Variants in CA10 observed in about 807,000 individuals in gnomAD.
CA10 encodes carbonic anhydrase 10 (inactive), also known as carbonic anhydrase-related protein 10.
A neutral mutation model predicts 44.2 loss-of-function variants in CA10; 14 were observed. That is an observed-to-expected ratio of 0.32 (90% CI 0.21 to 0.50). The LOEUF (loss-of-function observed/expected upper bound fraction) is 0.50, where lower values mean the gene tolerates loss of function less well. Ranked by LOEUF, CA10 falls within the 20% of genes least tolerant of loss-of-function variation. The pLI is 0.99. For synonymous variants in CA10, 159 were observed against 141.6 expected, an observed-to-expected ratio of 1.12 and a Z score of -0.87; for missense variants, 350 against 409.7, an observed-to-expected ratio of 0.85 and a Z score of 1.26.
At chr17:51,849,165 A>G (rs1322921945) in intron 3 of CA10, among the ~76,000 whole-genome samples, 33 of 89,618 alleles carry the variant, frequency 3.7e-4, no homozygotes, top group African/African-American at 1.1e-3. Flanking sequence ...ACATATATGT[A>G]TATATATATA....
intron 1 of CA10, among the ~76,000 whole-genome samples, chr17:52,090,457 C>A (rs1988229565): frequency 6.6e-6 from 1 of 152,016 alleles, no homozygotes; most frequent in South Asian, 2.1e-4. Flanking sequence ...TATTCCCTAG[C>A]ATATTTTTGT....
At chr17:51,854,786 A>G (rs1978965012) in intron 3 of CA10, among the ~76,000 whole-genome samples, 1 of 152,220 alleles carries the variant, frequency 6.6e-6, no homozygotes, top group South Asian at 2.1e-4. Context: ...TCCACAGGGG[A>G]TTAAGCAAAC....
chr17:52,124,745 C>T (rs1989084017), intron 1 of CA10, among the ~76,000 whole-genome samples: 1 of 152,144 alleles, frequency 6.6e-6, no homozygotes, highest in Non-Finnish European at 1.5e-5. Context: ...GCCTCTCCCA[C>T]CTTGTTCACC....
chr17:52,098,712 C>T (rs1422807738), intron 1 of CA10, among the ~76,000 whole-genome samples: 2 of 152,224 alleles, frequency 1.3e-5, no homozygotes, highest in East Asian at 1.9e-4. Context: ...GCCTGTGATA[C>T]CTACCTGTTC....
intron 5 of CA10, among the ~76,000 whole-genome samples, chr17:51,649,829 G>T (rs1238955309): frequency 2.0e-5 from 3 of 150,010 alleles, no homozygotes; most frequent in Non-Finnish European, 3.0e-5. Context: ...ATTCATCTAC[G>T]TAGAGGGTGA....
intron 3 of CA10, among the ~76,000 whole-genome samples, chr17:51,923,301 T>C (rs1488345245): frequency 6.6e-6 from 1 of 152,192 alleles, no homozygotes; most frequent in Non-Finnish European, 1.5e-5. Context: ...ATCTGACATT[T>C]AAGATCCTCC....
rs1913756884 is a variant in CA10, at chr17:51,655,456, AG to A, written c.466-1721del. Among the ~76,000 whole-genome samples the A allele has an allele frequency of 3.3e-5, 5 of 152,252 alleles. No homozygotes were observed. In the South Asian group the frequency reaches 1.0e-3, roughly 32 times the overall value. On this transcript the variant is annotated intron_variant, in intron 4 of 8. Coordinates refer to ENST00000451037, the MANE Select transcript of CA10 (RefSeq NM_020178.5). ...GCATTAAAAAAGGTGAAGTTTTAGAAGTTGAGAAATGTGATGATCAAAAAAG... is the reference window on the plus strand; with the variant it reads ...GCATTAAAAAAGGTGAAGTTTTAGAATTGAGAAATGTGATGATCAAAAAAG...
At chr17:51,667,094 A>C (rs907338667) in intron 4 of CA10, among the ~76,000 whole-genome samples, 16 of 152,360 alleles carry the variant, frequency 1.1e-4, no homozygotes, top group African/African-American at 3.6e-4. Flanking sequence ...CCATTGCTGC[A>C]ATTTGAAATG....
chr17:52,035,129 A>G (rs1229014488), intron 2 of CA10, among the ~76,000 whole-genome samples: 2 of 152,148 alleles, frequency 1.3e-5, no homozygotes, highest in Admixed American at 6.5e-5. Flanking sequence ...GAGAAATTCT[A>G]TCGCTGTTTT....
At chr17:51,675,253 G>A (rs151073699) in intron 4 of CA10, among the ~76,000 whole-genome samples, 360 of 152,216 alleles carry the variant, frequency 2.4e-3, no homozygotes, top group African/African-American at 7.8e-3. Context: ...AATGGGATCC[G>A]TGCCCTTTAA....
chr17:52,107,664 A>G (rs973913645), intron 1 of CA10, among the ~76,000 whole-genome samples: 6 of 152,178 alleles, frequency 3.9e-5, no homozygotes, highest in Admixed American at 3.9e-4. Context: ...CCAAGGGAGA[A>G]AAGCTGGCTC....
rs537801827 is a variant in CA10 at position 51,744,074 on chromosome 17, C to T, written c.465+3559G>A. ...GTGGCTCACGCCTGTAATCTCAGCA[C>T]TTCGGGAGGCCGAGGTGGGCAGATC... On this transcript the variant is annotated intron_variant, in intron 4 of 8. Transcript: ENST00000451037. Among the ~76,000 whole-genome samples the T allele has an allele frequency of 6.6e-5, 10 of 152,258 alleles. 1 individual carries two copies. In the South Asian group the frequency reaches 1.9e-3, roughly 28 times the overall value.
At chr17:52,042,668 T>A (rs1245452648) in intron 2 of CA10, among the ~76,000 whole-genome samples, 1 of 152,034 alleles carries the variant, frequency 6.6e-6, no homozygotes, top group Non-Finnish European at 1.5e-5. Flanking sequence ...AAAAAAATCT[T>A]TGGCAAGACC....
intron 2 of CA10, among the ~76,000 whole-genome samples, chr17:52,064,954 A>G (rs897034227): frequency 2.0e-5 from 3 of 152,164 alleles, no homozygotes; most frequent in African/African-American, 4.8e-5. Flanking sequence ...AGTGCTTAAA[A>G]CTATCTATTG....
chr17:52,126,620 T>G (rs916646054), intron 1 of CA10, among the ~76,000 whole-genome samples: 2 of 152,340 alleles, frequency 1.3e-5, no homozygotes, highest in East Asian at 3.9e-4. Flanking sequence ...ATGGGCATTT[T>G]CATGCCCACT....
chr17:52,062,269 T>C (rs114044704), intron 2 of CA10, among the ~76,000 whole-genome samples: 45 of 151,884 alleles, frequency 3.0e-4, no homozygotes, highest in African/African-American at 1.1e-3. Flanking sequence ...CAGTAAGATA[T>C]GGCAGCAAAG....
intron 3 of CA10, among the ~76,000 whole-genome samples, chr17:51,895,558 T>A (rs1351346104): frequency 6.6e-6 from 1 of 152,090 alleles, no homozygotes; most frequent in African/African-American, 2.4e-5. Flanking sequence ...GTAAAACTTA[T>A]AGTTAATACT....
At chr17:51,845,196 T>A (rs1180482409) in intron 3 of CA10, among the ~76,000 whole-genome samples, 1 of 152,196 alleles carries the variant, frequency 6.6e-6, no homozygotes, top group Non-Finnish European at 1.5e-5. Context: ...TTTTTTATTG[T>A]TTTAAGCCAC....
intron 2 of CA10, among the ~76,000 whole-genome samples, chr17:52,048,294 G>C (rs943633239): frequency 9.9e-5 from 15 of 151,956 alleles, no homozygotes; most frequent in African/African-American, 3.6e-4. Flanking sequence ...CAAGACAAAG[G>C]GGGCAGTGCT....
Sources: gnomAD v4.1 joint callset for allele counts (sites outside exome capture counted in the v4.1 genomes callset) on GRCh38, gnomAD v4.1.1 for gene constraint, MANE v1.5 for transcripts, NCBI Gene and HGNC (gene_info 2026-07-23, HGNC 2026-07-21) for gene names.